The following AHI1 variants were observed in gnomAD, a reference collection of about 807,000 sequenced individuals.
AHI1 encodes the protein jouberin.
Under a neutral mutation model 149.3 loss-of-function variants are expected in AHI1, and 123 were observed. The observed-to-expected ratio is 0.82, with a 90% CI of 0.71 to 0.96. The LOEUF is 0.96. Ranked by LOEUF, AHI1 falls within the 40% of genes least tolerant of loss-of-function variation. The pLI is 0.00. For synonymous variants in AHI1, 475 were observed against 459.8 expected (o/e 1.03, Z -0.42); for missense variants, 1,439 against 1,422.7 (o/e 1.01, Z -0.18).
rs370808684 is a variant in AHI1, at chr6:135,318,623, T to C, written c.3329-7A>G. The C allele has an allele frequency of 1.7e-4, 267 of 1,579,126 alleles. No homozygotes were observed. The Admixed American group carries it at 2.2e-3, about 13-fold the overall frequency. ...GGCAGTTCTTGATACAGTGCTGAAA[T>C]TGGAAAAAGGAATTCATGTAATCAA... On this transcript the variant is annotated splice_polypyrimidine_tract_variant and splice_region_variant and intron_variant, in intron 25 of 28. Transcript: ENST00000265602.
At chr6:135,493,833 A>T (rs1795594008) in intron 3 of AHI1, among the ~76,000 whole-genome samples, 1 of 152,202 alleles carries the variant, frequency 6.6e-6, no homozygotes, top group African/African-American at 2.4e-5. Context: ...ACTTGAGGTC[A>T]GGAGTTTGTG....
At chr6:135,430,105 T>C (rs1784441960) in intron 17 of AHI1, 105 bp from the exon 18 acceptor site, 1 of 602,398 alleles carries the variant, frequency 1.7e-6, no homozygotes. Flanking sequence ...TTCCACTGTA[T>C]AGGATGCTTT....
intron 23 of AHI1, among the ~76,000 whole-genome samples, chr6:135,380,064 C>A (rs958400312): frequency 6.8e-6 from 1 of 146,086 alleles, no homozygotes; most frequent in African/African-American, 2.5e-5. Flanking sequence ...TCTTCTTTGT[C>A]GTCATCTGAA....
At chr6:135,342,947 G>GA (rs139629049) in intron 24 of AHI1, among the ~76,000 whole-genome samples, 10 of 141,780 alleles carry the variant, frequency 7.1e-5, no homozygotes, top group Non-Finnish European at 9.3e-5. Flanking sequence ...AATTAGGCAA[G>GA]AAAAAAAAAA....
At chr6:135,402,594 G>GCCTCCCCTTCCCACTTCTCCA (rs1780174185) in intron 22 of AHI1, among the ~76,000 whole-genome samples, 1 of 151,708 alleles carries the variant, frequency 6.6e-6, no homozygotes, top group Non-Finnish European at 1.5e-5. Context: ...TGCCTCTCCT[G>GCCTCCCCTTCCCACTTCTCCA]CCTCCCCTTC....
intron 23 of AHI1, among the ~76,000 whole-genome samples, chr6:135,378,506 A>G (rs1455019101): frequency 2.0e-5 from 3 of 152,192 alleles, no homozygotes; most frequent in Admixed American, 6.5e-5. Context: ...CATGCTCTAT[A>G]TATTCTATCT....
chr6:135,486,241 T>C (rs1377023072), intron 5 of AHI1, among the ~76,000 whole-genome samples: 1 of 152,138 alleles, frequency 6.6e-6, no homozygotes, highest in Admixed American at 6.5e-5. Context: ...TGTCTCCCTT[T>C]CCAAAGGGAC....
chr6:135,327,903 T>G (rs948677570), intron 24 of AHI1, among the ~76,000 whole-genome samples: 1 of 152,242 alleles, frequency 6.6e-6, no homozygotes, highest in Admixed American at 6.5e-5. Flanking sequence ...TAGATCGCTC[T>G]ACGTATCTCT....
intron 5 of AHI1, among the ~76,000 whole-genome samples, chr6:135,480,783 AG>A (rs1247169957): frequency 1.3e-5 from 2 of 152,212 alleles, no homozygotes; most frequent in African/African-American, 4.8e-5. Flanking sequence ...GCCACACAGC[AG>A]GAAGTGAGTG....
intron 11 of AHI1, among the ~76,000 whole-genome samples, chr6:135,451,910 T>G (rs5017497): frequency 0.44 from 66,640 of 151,638 alleles, 17,681 homozygotes; most frequent in East Asian, 0.59. Flanking sequence ...AAAAAGGCAT[T>G]AACAGATTTA....
chr6:135,336,443 C>G (rs967162476), intron 24 of AHI1, among the ~76,000 whole-genome samples: 8 of 151,524 alleles, frequency 5.3e-5, no homozygotes, highest in Admixed American at 1.3e-4. Flanking sequence ...ACTAAAAATA[C>G]AAAAATTAAC....
intron 24 of AHI1, among the ~76,000 whole-genome samples, chr6:135,329,463 C>T (rs528702109): frequency 6.6e-6 from 1 of 152,260 alleles, no homozygotes; most frequent in Admixed American, 6.5e-5. Context: ...GATGATAGCC[C>T]ATCCATCTAC....
chr6:135,297,448 T>C (rs1317032488), intron 27 of AHI1: 1 of 456,142 alleles, frequency 2.2e-6, no homozygotes, highest in Non-Finnish European at 4.4e-6. Flanking sequence ...CTAGAGGCCT[T>C]CTCTAGCTAT....
At chr6:135,411,580 T>C (rs758415303) in intron 20 of AHI1, 36 bp from the exon 21 acceptor site, 22 of 1,493,310 alleles carry the variant, frequency 1.5e-5, no homozygotes, top group South Asian at 7.3e-5. Flanking sequence ...TAAATCATCA[T>C]AGCAAAAGCA....
intron 21 of AHI1, among the ~76,000 whole-genome samples, chr6:135,409,587 T>C (rs888210912): frequency 2.0e-5 from 3 of 152,160 alleles, no homozygotes; most frequent in Non-Finnish European, 4.4e-5. Flanking sequence ...TATCTTTCTA[T>C]CTTAGTGAAT....
intron 22 of AHI1, among the ~76,000 whole-genome samples, chr6:135,402,427 T>C (rs1206367106): frequency 6.6e-6 from 1 of 152,218 alleles, no homozygotes; most frequent in Admixed American, 6.5e-5. Flanking sequence ...CAAATGTTCA[T>C]AAACTGATCA....
rs562328625 is a variant in AHI1, at chr6:135,478,315, C to T, written c.136-10681G>A. On this transcript the variant is annotated intron_variant, in intron 5 of 28. Transcript: ENST00000265602. ...AATGGTTATGACCAAAATGCAGATA[C>T]TGATATGAACAGAGATGGCCAGGCT... Among the ~76,000 whole-genome samples, 200 of 152,132 alleles carry T rather than the reference C, an allele frequency of 1.3e-3. 2 individuals are homozygous for T. The highest frequency in any genetic ancestry group is 2.1e-3 in the Non-Finnish European group (145 of 68,030).
chr6:135,434,170 G>C (rs1785049084), intron 15 of AHI1, among the ~76,000 whole-genome samples: 1 of 151,674 alleles, frequency 6.6e-6, no homozygotes, highest in Non-Finnish European at 1.5e-5. Flanking sequence ...AAAGCAAATT[G>C]AGTCTGTTAC....
chr6:135,461,745 G>T (rs1411950505), intron 8 of AHI1, among the ~76,000 whole-genome samples: 4 of 151,802 alleles, frequency 2.6e-5, no homozygotes, highest in Admixed American at 6.6e-5. Context: ...TACAAAAACA[G>T]AATTAAGAAT....
Sources: gnomAD v4.1 joint callset for allele counts (sites outside exome capture counted in the v4.1 genomes callset) on GRCh38, gnomAD v4.1.1 for gene constraint, MANE v1.5 for transcripts, NCBI Gene and HGNC (gene_info 2026-07-23, HGNC 2026-07-21) for gene names.